The following FGF12 variants were observed in gnomAD, a reference collection of about 807,000 sequenced individuals.
FGF12 encodes the protein fibroblast growth factor 12B.
Under a neutral mutation model 23.6 loss-of-function variants are expected in FGF12, and 14 were observed. The ratio of observed to expected loss-of-function variants is 0.59; its 90% CI spans 0.39 to 0.93. The LOEUF is 0.93. Among genes scored for constraint, FGF12 ranks in the 40% least tolerant of loss-of-function variants. The pLI is 0.00. For missense variants in FGF12, 175 were observed against 217.8 expected, an observed-to-expected ratio of 0.80 and a Z score of 1.24; for synonymous variants, 62 against 77.3, an observed-to-expected ratio of 0.80 and a Z score of 1.04.
intron 5 of FGF12, among the ~76,000 whole-genome samples, chr3:192,154,633 A>G (rs1278295019): frequency 1.3e-5 from 2 of 150,006 alleles, no homozygotes; most frequent in Admixed American, 6.7e-5. Flanking sequence ...CTCGGGGGTC[A>G]GGGGTCAGGG....
At position 192,247,310 on chromosome 3, in the gene FGF12, C is replaced by T. The variant is rs575906814; in HGVS notation, c.229-76654G>A. 3.3e-5 allele frequency among the ~76,000 whole-genome samples: 5 copies of T among 152,276 alleles called. No homozygotes were observed. The South Asian group carries it at 1.0e-3, about 32-fold the overall frequency. ...AGACTTCAGCACTGAAGAGTTGTTT[C>T]GTCACTGTAGAGTATCAAATTGGTG... On this transcript the variant is annotated intron_variant, in intron 4 of 5. Coordinates refer to ENST00000445105, the MANE Select transcript of FGF12 (RefSeq NM_004113.6).
intron 2 of FGF12, among the ~76,000 whole-genome samples, chr3:192,605,993 T>C (rs1714322008): frequency 6.6e-6 from 1 of 152,160 alleles, no homozygotes. Context: ...AGAACTACCA[T>C]TCAACCCAGC....
intron 4 of FGF12, among the ~76,000 whole-genome samples, chr3:192,260,904 T>C (rs1712703231): frequency 6.6e-6 from 1 of 152,100 alleles, no homozygotes; most frequent in Admixed American, 6.6e-5. Context: ...AGAGTACCGC[T>C]GTATTGAGAT....
chr3:192,714,968 C>G (rs538440991), intron 2 of FGF12, among the ~76,000 whole-genome samples: 16 of 152,258 alleles, frequency 1.1e-4, no homozygotes, highest in African/African-American at 3.6e-4. Context: ...TTCCATTAAG[C>G]AAGAGAAGTG....
At chr3:192,262,147 T>A (rs1712795771) in intron 4 of FGF12, among the ~76,000 whole-genome samples, 2 of 152,188 alleles carry the variant, frequency 1.3e-5, no homozygotes, top group Admixed American at 1.3e-4. Context: ...CAGACTGCTA[T>A]GAATTTTGTG....
chr3:192,613,986 A>G (rs1714652599), intron 2 of FGF12, among the ~76,000 whole-genome samples: 2 of 151,838 alleles, frequency 1.3e-5, no homozygotes, highest in African/African-American at 4.8e-5. Context: ...ATTGAATCAA[A>G]GTCATAAGAG....
At chr3:192,310,820 G>A (rs1389808088) in intron 4 of FGF12, among the ~76,000 whole-genome samples, 1 of 152,090 alleles carries the variant, frequency 6.6e-6, no homozygotes, top group African/African-American at 2.4e-5. Context: ...AACTCTTCTT[G>A]CATAGTAGTC....
chr3:192,182,131 G>A (rs779380854), intron 4 of FGF12, among the ~76,000 whole-genome samples: 2 of 152,136 alleles, frequency 1.3e-5, no homozygotes, highest in Admixed American at 1.3e-4. Context: ...TAAACAACTC[G>A]GTATTTGTGT....
intron 2 of FGF12, among the ~76,000 whole-genome samples, chr3:192,385,138 A>G (rs1719986964): frequency 6.6e-6 from 1 of 152,186 alleles, no homozygotes; most frequent in Non-Finnish European, 1.5e-5. Context: ...AGTGCCTACC[A>G]TGTCCTGAGC....
intron 2 of FGF12, among the ~76,000 whole-genome samples, chr3:192,626,412 T>C (rs1250480160): frequency 6.6e-6 from 1 of 152,172 alleles, no homozygotes; most frequent in Non-Finnish European, 1.5e-5. Context: ...AAAAATTAAA[T>C]ACTCCATTCA....
intron 4 of FGF12, among the ~76,000 whole-genome samples, chr3:192,215,601 C>T (rs1266729295): frequency 1.3e-5 from 2 of 152,164 alleles, no homozygotes; most frequent in Non-Finnish European, 2.9e-5. Context: ...CTCCACAACA[C>T]TCCTGCCGAC....
chr3:192,694,186 G>A (rs1389765361), intron 2 of FGF12, among the ~76,000 whole-genome samples: 6 of 152,038 alleles, frequency 3.9e-5, no homozygotes, highest in Middle Eastern at 3.2e-3. Flanking sequence ...TCAAAACTAC[G>A]ATGAGATATC....
intron 4 of FGF12, among the ~76,000 whole-genome samples, chr3:192,312,709 T>G (rs1293457890): frequency 6.7e-6 from 1 of 149,946 alleles, no homozygotes; most frequent in East Asian, 2.0e-4. Context: ...ATCGCACAAC[T>G]GCACTCCAGC....
intron 5 of FGF12, among the ~76,000 whole-genome samples, chr3:192,146,858 AAAAGACC>A (rs1159566572): frequency 5.9e-5 from 9 of 152,200 alleles, no homozygotes; most frequent in African/African-American, 2.2e-4. Context: ...CAGTGTTTCA[AAAAGACC>A]AAAAGTCACC....
chr3:192,699,012 T>C (rs1718214684), intron 2 of FGF12, among the ~76,000 whole-genome samples: 1 of 152,204 alleles, frequency 6.6e-6, no homozygotes, highest in African/African-American at 2.4e-5. Flanking sequence ...GAAAGAGTTG[T>C]CTTCCCTCTT....
At chr3:192,327,876 T>C (rs1716901180) in intron 4 of FGF12, among the ~76,000 whole-genome samples, 2 of 152,088 alleles carry the variant, frequency 1.3e-5, no homozygotes, top group Non-Finnish European at 2.9e-5. Context: ...ATTTTTAAAT[T>C]TTTTGTAGAG....
At chr3:192,696,847 C>A (rs1351703585) in intron 2 of FGF12, among the ~76,000 whole-genome samples, 2 of 151,540 alleles carry the variant, frequency 1.3e-5, no homozygotes, top group African/African-American at 2.4e-5. Context: ...TATAACAAGG[C>A]CACACTAGAT....
intron 2 of FGF12, among the ~76,000 whole-genome samples, chr3:192,371,826 G>C (rs1380833633): frequency 1.3e-5 from 2 of 152,166 alleles, no homozygotes; most frequent in Non-Finnish European, 2.9e-5. Context: ...CCATGCCAGA[G>C]CCAGGGTGGA....
chr3:192,301,137 C>T (rs1715328304), intron 4 of FGF12, among the ~76,000 whole-genome samples: 1 of 151,740 alleles, frequency 6.6e-6, no homozygotes, highest in Admixed American at 6.6e-5. Context: ...TCCAAAGAAA[C>T]ATGGACTTAA....
Sources: gnomAD v4.1 joint callset for allele counts (sites outside exome capture counted in the v4.1 genomes callset) on GRCh38, gnomAD v4.1.1 for gene constraint, MANE v1.5 for transcripts, NCBI Gene and HGNC (gene_info 2026-07-23, HGNC 2026-07-21) for gene names.